The following IRS1 variants were observed in gnomAD, a reference collection of about 807,000 sequenced individuals.
The protein encoded by IRS1 is insulin receptor substrate 1.
In IRS1, 34 loss-of-function variants were observed where a neutral mutation model predicts 65.6. The ratio of observed to expected loss-of-function variants is 0.52; its 90% CI spans 0.39 to 0.69. IRS1 has a LOEUF of 0.69. Ranked by LOEUF, IRS1 falls within the 30% of genes least tolerant of loss-of-function variation. IRS1 has a pLI of 0.00. For missense variants in IRS1, 1,641 were observed against 1,720.2 expected (o/e 0.95, Z 0.81); for synonymous variants, 699 against 683.5 (o/e 1.02, Z -0.35).
chr2:226,759,881 A>G (rs1358554400), intron 1 of IRS1, among the ~76,000 whole-genome samples: 1 of 152,228 alleles, frequency 6.6e-6, no homozygotes, highest in African/African-American at 2.4e-5. Flanking sequence ...TAGCTGAGAA[A>G]GAAGAGTTAT....
At position 226,799,156 on chromosome 2, in the gene IRS1, G is replaced by A; in HGVS notation, c.-418C>T. On this transcript the variant is annotated 5_prime_UTR_variant, in exon 1 of 2. Transcript: ENST00000305123. The surrounding 1 kb of genome is among the most constrained non-coding windows in gnomAD (Gnocchi z 6.1). ...CCTCCAGGAGCGCGCGCGCGCGCGCGCCTTCCCTCCTGAGTTCCCCTCTGG... is the reference window on the plus strand; with the variant it reads ...CCTCCAGGAGCGCGCGCGCGCGCGCACCTTCCCTCCTGAGTTCCCCTCTGG... 1 of 1,098,708 alleles carries A rather than the reference G, an allele frequency of 9.1e-7. No homozygotes were observed. Among genetic ancestry groups the A allele is most frequent in the Non-Finnish European group, 1.1e-6 (1 of 889,528 alleles). 68.1% of individuals were successfully genotyped at this position (1,098,708 alleles called of 1,614,324 possible).
At chr2:226,738,692 T>C (rs1938377961) in intron 1 of IRS1, among the ~76,000 whole-genome samples, 1 of 152,104 alleles carries the variant, frequency 6.6e-6, no homozygotes. Context: ...AAGCTCCAGA[T>C]CTCTTATTTA....
At chr2:226,751,600 C>G (rs546851841) in intron 1 of IRS1, among the ~76,000 whole-genome samples, 3 of 151,776 alleles carry the variant, frequency 2.0e-5, no homozygotes, top group South Asian at 4.2e-4. Flanking sequence ...TTTTTTAAAC[C>G]CTGCTTAGTG....
chr2:226,748,811 C>T (rs1414859397), intron 1 of IRS1, among the ~76,000 whole-genome samples: 2 of 152,142 alleles, frequency 1.3e-5, no homozygotes, highest in Non-Finnish European at 2.9e-5. Flanking sequence ...GCTCGGGGCA[C>T]ATATATCATC....
chr2:226,739,372 G>A (rs1357004736), intron 1 of IRS1, among the ~76,000 whole-genome samples: 1 of 152,114 alleles, frequency 6.6e-6, no homozygotes, highest in African/African-American at 2.4e-5. Flanking sequence ...CCAACTTGGG[G>A]GCTGCATACT....
In IRS1 at chr2:226,734,225, A is replaced by G. The variant is rs777008402; in HGVS notation, c.*2047T>C. The G allele has an allele frequency of 1.3e-5, 2 of 152,234 alleles. No homozygotes were observed. Among genetic ancestry groups the G allele is most frequent in the Admixed American group, 6.5e-5 (1 of 15,284 alleles). 9.4% of individuals were successfully genotyped at this position (152,234 alleles called of 1,614,324 possible). ...TCTTTTTTTACAAGAGTAAAAAACA[A>G]CTTTCATATCAGATTTTCAAAATGG... On this transcript the variant is annotated 3_prime_UTR_variant, in exon 2 of 2. Coordinates refer to ENST00000305123, the MANE Select transcript of IRS1 (RefSeq NM_005544.3).
At chr2:226,756,959 T>A (rs539848660) in intron 1 of IRS1, among the ~76,000 whole-genome samples, 18 of 145,254 alleles carry the variant, frequency 1.2e-4, no homozygotes, top group Middle Eastern at 3.6e-3. Context: ...AGACTCCGTC[T>A]AATAAATAAA....
chr2:226,743,383 C>A (rs957474245), intron 1 of IRS1, among the ~76,000 whole-genome samples: 8 of 152,210 alleles, frequency 5.3e-5, no homozygotes, highest in African/African-American at 1.9e-4. Flanking sequence ...GTGCACACCA[C>A]CACACTTGGC....
intron 1 of IRS1, among the ~76,000 whole-genome samples, chr2:226,757,000 A>T (rs1269784009): frequency 6.6e-6 from 1 of 151,430 alleles, no homozygotes; most frequent in African/African-American, 2.4e-5. Context: ...TAAATAAATA[A>T]ATAAAATACA....
intron 1 of IRS1, among the ~76,000 whole-genome samples, chr2:226,766,136 TA>T (rs1939030502): frequency 1.4e-3 from 5 of 3,510 alleles, no homozygotes; most frequent in African/African-American, 2.0e-3. Context: ...TATATATATA[TA>T]TATATATATA....
In IRS1 at chr2:226,735,247, T is replaced by C. The variant is rs1559144987; in HGVS notation, c.*1025A>G. On this transcript the variant is annotated 3_prime_UTR_variant, in exon 2 of 2. Transcript: ENST00000305123. Reference sequence around the variant, plus strand: ...AAAAGATCAACAGTATCTAGTTTATTATGAATAGAAAGACATTTCCAGAAT... The same window carrying C: ...AAAAGATCAACAGTATCTAGTTTATCATGAATAGAAAGACATTTCCAGAAT... 4 of 152,208 alleles carry C rather than the reference T, an allele frequency of 2.6e-5. No homozygotes were observed. Among genetic ancestry groups the C allele is most frequent in the African/African-American group, 9.6e-5 (4 of 41,458 alleles). The allele number at this position is 152,208 out of a possible 1,614,324, so 9.4% of individuals were successfully genotyped here.
chr2:226,751,467 T>G (rs1938680738), intron 1 of IRS1, among the ~76,000 whole-genome samples: 1 of 152,020 alleles, frequency 6.6e-6, no homozygotes. Context: ...GTATTTTTAG[T>G]AGAGACGGGG....
intron 1 of IRS1, among the ~76,000 whole-genome samples, chr2:226,765,195 A>G (rs957797982): frequency 1.3e-5 from 2 of 152,196 alleles, no homozygotes; most frequent in African/African-American, 4.8e-5. Context: ...TCTTAGCCTT[A>G]CGAGTAGTTG....
At chr2:226,791,472 G>T (rs1186400671) in intron 1 of IRS1, among the ~76,000 whole-genome samples, 1 of 152,208 alleles carries the variant, frequency 6.6e-6, no homozygotes, top group African/African-American at 2.4e-5. Flanking sequence ...CCGTGGGCTG[G>T]TTGGACTTTT....
intron 1 of IRS1, among the ~76,000 whole-genome samples, chr2:226,739,795 C>T (rs1440341161): frequency 1.3e-5 from 2 of 152,078 alleles, no homozygotes; most frequent in African/African-American, 2.4e-5. Context: ...AAGCAACTCA[C>T]TCAAAAAAGG....
In IRS1 at chr2:226,798,216, G is replaced by C; in HGVS notation, c.523C>G (p.Gln175Glu). 3.7e-6 allele frequency: 6 copies of C among 1,613,826 alleles called. No individual in the cohort carries two copies. The highest frequency in any genetic ancestry group is 5.1e-6 in the Non-Finnish European group (6 of 1,180,008). ...TAGATACCAATCAGGTTCTTTGTCT[G>C]ACCCAGGCCCTTGGGCTTCAGGATC... ...QVILKPKGLG[Q>E]TKNLIGIYRL... is the part of the protein sequence containing the mutation. The change falls in exon 1 of 2, where the codon CAG becomes GAG. Residue 175 changes from glutamine (Q) to glutamate (E), a missense_variant. Physicochemically the swap from Gln to Glu is conservative, Grantham distance 29. This residue lies in a region of IRS1 where 77 missense variants were observed against 129.6 expected (regional missense o/e 0.59). Transcript: ENST00000305123. This position sits in a 1 kb window ranked among gnomAD's most constrained non-coding sequence, Gnocchi z 9.4.
At chr2:226,776,369 C>T (rs1287801486) in intron 1 of IRS1, among the ~76,000 whole-genome samples, 9 of 127,832 alleles carry the variant, frequency 7.0e-5, no homozygotes, top group East Asian at 5.5e-4. Context: ...TGGGGTGGTT[C>T]GGGTGGGGGT....
At chr2:226,746,239 T>G (rs1488572194) in intron 1 of IRS1, among the ~76,000 whole-genome samples, 3 of 152,206 alleles carry the variant, frequency 2.0e-5, no homozygotes, top group Non-Finnish European at 4.4e-5. Context: ...AAATGGGTGT[T>G]CAGTGAGATT....
At chr2:226,781,956 A>G (rs1939391907) in intron 1 of IRS1, among the ~76,000 whole-genome samples, 1 of 151,664 alleles carries the variant, frequency 6.6e-6, no homozygotes, top group Non-Finnish European at 1.5e-5. Context: ...CTTCCAGGGT[A>G]CTCTACAAAT....
Sources: allele counts gnomAD v4.1 joint callset (sites outside exome capture counted in the v4.1 genomes callset), GRCh38; gene constraint gnomAD v4.1.1; regional missense constraint gnomAD v4.1.1; non-coding constraint Gnocchi (gnomAD v3.1); transcripts MANE v1.5; gene names NCBI Gene and HGNC (gene_info 2026-07-23, HGNC 2026-07-21).